The following SPAG16 variants were observed in gnomAD, a reference collection of about 807,000 sequenced individuals.
SPAG16 encodes sperm-associated antigen 16 protein.
Under a neutral mutation model 80.4 loss-of-function variants are expected in SPAG16, and 86 were observed. That is an observed-to-expected ratio of 1.07 (90% CI 0.90 to 1.28). The LOEUF (loss-of-function observed/expected upper bound fraction) is 1.28. Among genes scored for constraint, SPAG16 ranks in the 50% most tolerant of loss-of-function variants. The probability of loss-of-function intolerance (pLI) is 0.00; values close to 1 mark genes in which losing one functional copy is unlikely to be tolerated. For missense variants in SPAG16, 870 were observed against 765.3 expected (o/e 1.14, Z -1.61); for synonymous variants, 294 against 265.9 (o/e 1.11, Z -1.03).
intron 15 of SPAG16, among the ~76,000 whole-genome samples, chr2:214,398,207 T>A (rs1701506745): frequency 6.6e-6 from 1 of 152,206 alleles, no homozygotes; most frequent in African/African-American, 2.4e-5. Context: ...CCTAATAACA[T>A]CATTCCAACC....
At chr2:213,512,074 A>G (rs1202276538) in intron 10 of SPAG16, among the ~76,000 whole-genome samples, 1 of 152,150 alleles carries the variant, frequency 6.6e-6, no homozygotes, top group Non-Finnish European at 1.5e-5. Context: ...TAAAATCACA[A>G]CAGTCATGGT....
At chr2:214,165,168 A>G (rs948814653) in intron 15 of SPAG16, among the ~76,000 whole-genome samples, 1 of 151,844 alleles carries the variant, frequency 6.6e-6, no homozygotes, top group Non-Finnish European at 1.5e-5. Flanking sequence ...CTCTTTGAAG[A>G]TATTTGCATC....
chr2:214,221,284 T>G (rs1287983870), intron 15 of SPAG16, among the ~76,000 whole-genome samples: 1 of 152,188 alleles, frequency 6.6e-6, no homozygotes, highest in Non-Finnish European at 1.5e-5. Flanking sequence ...AATGTAGTTT[T>G]TTTTGAATGA....
intron 15 of SPAG16, among the ~76,000 whole-genome samples, chr2:214,286,994 A>G (rs1460021043): frequency 6.6e-6 from 1 of 152,212 alleles, no homozygotes; most frequent in Non-Finnish European, 1.5e-5. Context: ...TAAGACTGAA[A>G]AGATATATTT....
intron 6 of SPAG16, among the ~76,000 whole-genome samples, chr2:213,340,903 C>T (rs2064650722): frequency 6.6e-6 from 1 of 152,136 alleles, no homozygotes; most frequent in Non-Finnish European, 1.5e-5. Flanking sequence ...GCAGTGCTAT[C>T]CAACAGAACT....
intron 7 of SPAG16, among the ~76,000 whole-genome samples, chr2:213,355,128 C>T (rs1023368408): frequency 6.6e-6 from 1 of 152,146 alleles, no homozygotes; most frequent in African/African-American, 2.4e-5. Context: ...GGAATCCTTT[C>T]CCCATTTCTT....
intron 13 of SPAG16, among the ~76,000 whole-genome samples, chr2:214,056,749 T>A (rs973924221): frequency 6.6e-6 from 1 of 152,218 alleles, no homozygotes; most frequent in Non-Finnish European, 1.5e-5. Context: ...TGCTGTTTGA[T>A]AACATTTTAC....
intron 10 of SPAG16, among the ~76,000 whole-genome samples, chr2:213,559,510 C>G (rs543656470): frequency 4.6e-4 from 70 of 152,214 alleles, no homozygotes; most frequent in African/African-American, 1.7e-3. Context: ...TCTAACTTAC[C>G]TACAGATTTA....
chr2:213,325,867 G>A (rs2063819074), intron 5 of SPAG16, among the ~76,000 whole-genome samples: 2 of 151,768 alleles, frequency 1.3e-5, no homozygotes, highest in Admixed American at 6.6e-5. Flanking sequence ...CTATACCCAC[G>A]GGGCCTATCT....
At chr2:213,470,590 C>A (rs1359233414) in intron 9 of SPAG16, among the ~76,000 whole-genome samples, 4 of 152,170 alleles carry the variant, frequency 2.6e-5, no homozygotes, top group Non-Finnish European at 5.9e-5. Flanking sequence ...CTGCTGCTGG[C>A]AAATTGGGCA....
At chr2:213,746,619 A>C (rs548338902) in intron 10 of SPAG16, among the ~76,000 whole-genome samples, 1 of 152,330 alleles carries the variant, frequency 6.6e-6, no homozygotes, top group Non-Finnish European at 1.5e-5. Flanking sequence ...CAGCCTGGCC[A>C]ATATGGCAAA....
At chr2:213,449,951 A>G (rs1428862500) in intron 9 of SPAG16, among the ~76,000 whole-genome samples, 2 of 152,328 alleles carry the variant, frequency 1.3e-5, no homozygotes, top group Non-Finnish European at 2.9e-5. Flanking sequence ...CCACCAACAT[A>G]TATTTTTAAA....
chr2:213,604,243 G>A (rs1440432048), intron 10 of SPAG16, among the ~76,000 whole-genome samples: 1 of 152,054 alleles, frequency 6.6e-6, no homozygotes, highest in African/African-American at 2.4e-5. Context: ...TTTTTAGGGA[G>A]GCCTTTTCTG....
intron 5 of SPAG16, among the ~76,000 whole-genome samples, chr2:213,336,623 C>T (rs554912865): frequency 2.0e-5 from 3 of 152,334 alleles, no homozygotes; most frequent in Admixed American, 6.5e-5. Flanking sequence ...TGTGTCAGTT[C>T]ATGGCTAGAC....
At chr2:214,330,802 A>T (rs1696863097) in intron 15 of SPAG16, among the ~76,000 whole-genome samples, 1 of 152,158 alleles carries the variant, frequency 6.6e-6, no homozygotes, top group South Asian at 2.1e-4. Flanking sequence ...TGGGAGAATG[A>T]ATGTTGTGGT....
intron 15 of SPAG16, among the ~76,000 whole-genome samples, chr2:214,290,337 G>T (rs1176247681): frequency 6.6e-6 from 1 of 151,672 alleles, no homozygotes. Context: ...ATTTTGTTTT[G>T]TTTTGTTGAA....
chr2:213,481,413 G>A (rs1263913467), intron 9 of SPAG16, among the ~76,000 whole-genome samples: 1 of 151,928 alleles, frequency 6.6e-6, no homozygotes, highest in Non-Finnish European at 1.5e-5. Flanking sequence ...TCAATTAATT[G>A]CTTACATTTT....
At chr2:213,368,433 T>C (rs888403100) in intron 8 of SPAG16, among the ~76,000 whole-genome samples, 7 of 152,116 alleles carry the variant, frequency 4.6e-5, no homozygotes, top group African/African-American at 1.7e-4. Flanking sequence ...TAAGAGCTAT[T>C]TATGACAAAC....
chr2:213,983,386 T>C (rs1292929743), intron 12 of SPAG16, among the ~76,000 whole-genome samples: 1 of 152,010 alleles, frequency 6.6e-6, no homozygotes, highest in Non-Finnish European at 1.5e-5. Context: ...TCTCAGATTA[T>C]GCTTTATGCC....
Sources: gnomAD v4.1 joint callset for allele counts (sites outside exome capture counted in the v4.1 genomes callset) on GRCh38, gnomAD v4.1.1 for gene constraint, MANE v1.5 for transcripts, NCBI Gene and HGNC (gene_info 2026-07-23, HGNC 2026-07-21) for gene names.